TRMT1: variants seen among roughly 807,000 people sequenced by gnomAD.
The protein encoded by TRMT1 is tRNA (guanine(26)-N(2))-dimethyltransferase.
In TRMT1, 63 loss-of-function variants were observed where a neutral mutation model predicts 75.4. That is an observed-to-expected ratio of 0.84 (90% CI 0.68 to 1.03). The LOEUF (loss-of-function observed/expected upper bound fraction) is 1.03, where lower values mean the gene tolerates loss of function less well. Ranked by LOEUF, TRMT1 falls within the 50% of genes least tolerant of loss-of-function variation. The pLI is 0.00. For missense variants in TRMT1, 870 were observed against 905.3 expected, an observed-to-expected ratio of 0.96 and a Z score of 0.50; for synonymous variants, 382 against 358.1, an observed-to-expected ratio of 1.07 and a Z score of -0.75.
chr19:13,106,599 C>T (rs1260991209), intron 14 of TRMT1, among the ~76,000 whole-genome samples: 1 of 151,736 alleles, frequency 6.6e-6, no homozygotes, highest in African/African-American at 2.4e-5. Flanking sequence ...CCTCAGCCTC[C>T]CGAGTAGCTG....
intron 7 of TRMT1, 73 bp downstream of exon 7, chr19:13,112,632 A>G: frequency 7.0e-7 from 1 of 1,431,810 alleles, no homozygotes. Context: ...GGAGGGGGAA[A>G]GTGTATTGGG....
At chr19:13,109,126 G>T (rs2019015624) in intron 12 of TRMT1, among the ~76,000 whole-genome samples, 2 of 151,136 alleles carry the variant, frequency 1.3e-5, no homozygotes, top group Admixed American at 1.3e-4. Flanking sequence ...ACGTATGTAT[G>T]TGTGTGTATA....
At chr19:13,106,124 G>A (rs942957564) in intron 14 of TRMT1, among the ~76,000 whole-genome samples, 6 of 151,994 alleles carry the variant, frequency 3.9e-5, no homozygotes, top group African/African-American at 1.2e-4. Flanking sequence ...GCAGTGGTGC[G>A]ATCGCCATCA....
intron 3 of TRMT1, 102 bp downstream of exon 3, chr19:13,115,895 C>A (rs752262168): frequency 3.7e-6 from 6 of 1,608,070 alleles, no homozygotes; most frequent in Admixed American, 1.7e-5. Context: ...CCAGGGCCTG[C>A]TATGTGGCTG....
At chr19:13,112,214 C>T (rs960866808) in intron 7 of TRMT1, among the ~76,000 whole-genome samples, 1 of 151,820 alleles carries the variant, frequency 6.6e-6, no homozygotes, top group African/African-American at 2.4e-5. Context: ...GTCTCAAAGT[C>T]CTGACCTCAG....
At chr19:13,112,663 T>C in intron 7 of TRMT1, 42 bp downstream of exon 7, 1 of 1,581,628 alleles carries the variant, frequency 6.3e-7, no homozygotes. Flanking sequence ...GACAACCACC[T>C]GTCCCCCGGT....
At chr19:13,107,483 C>A in intron 14 of TRMT1, 91 bp downstream of exon 14, 1 of 1,422,818 alleles carries the variant, frequency 7.0e-7, no homozygotes, top group Non-Finnish European at 9.7e-7. Context: ...GGGCACGAGT[C>A]TGTGTGGGGC....
chr19:13,108,066 C>T (rs968827125), intron 12 of TRMT1, among the ~76,000 whole-genome samples: 3 of 148,842 alleles, frequency 2.0e-5, no homozygotes, highest in African/African-American at 7.5e-5. Flanking sequence ...TCTTGGCTCA[C>T]CACAGCCTCC....
intron 14 of TRMT1, among the ~76,000 whole-genome samples, chr19:13,105,922 C>T (rs2018847298): frequency 6.6e-6 from 1 of 152,006 alleles, no homozygotes; most frequent in East Asian, 1.9e-4. Context: ...ATTAGCCAGG[C>T]GTGGTGCCGG....
intron 12 of TRMT1, among the ~76,000 whole-genome samples, chr19:13,109,148 G>A (rs951683481): frequency 4.0e-5 from 6 of 151,080 alleles, no homozygotes; most frequent in Admixed American, 2.0e-4. Context: ...GTATGTGTGT[G>A]TACATATATA....
In TRMT1 at chr19:13,107,618, T is replaced by C. The variant is rs1031385391; in HGVS notation, c.1539A>G (p.Leu513=). 2 of 1,608,982 alleles carry C rather than the reference T, an allele frequency of 1.2e-6. No homozygotes were observed. Among genetic ancestry groups the C allele is most frequent in the African/African-American group, 1.3e-5 (1 of 74,968 alleles). The part of the protein sequence containing the change: ...EKECPVKRER[L]SETSPAFRIL... ...TGCGGAACGCTGGGCTAGTCTCTGATAGTCGCTCCCGTTTCACCGGACATT... is the reference window on the plus strand; with the variant it reads ...TGCGGAACGCTGGGCTAGTCTCTGACAGTCGCTCCCGTTTCACCGGACATT... Residue 513 remains leucine (L), a synonymous_variant, in exon 14 of 17, where the codon CTA becomes CTG. Transcript: ENST00000357720.
chr19:13,107,924 A>G, intron 12 of TRMT1, 65 bp from the exon 13 acceptor site: 1 of 1,343,632 alleles, frequency 7.4e-7, no homozygotes. Flanking sequence ...CAAGCTGACC[A>G]GCGTAGGTAA....
In TRMT1 at chr19:13,109,800, G is replaced by A; in HGVS notation, c.1145C>T (p.Pro382Leu). 1 of 1,614,112 alleles carries A rather than the reference G, an allele frequency of 6.2e-7. No individual in the cohort carries two copies. Among genetic ancestry groups the A allele is most frequent in the Non-Finnish European group, 8.5e-7 (1 of 1,180,034 alleles). The change falls in exon 10 of 17, where the codon CCC becomes CTC. Residue 382 changes from proline to leucine, a missense_variant. Coordinates refer to ENST00000357720, the MANE Select transcript of TRMT1 (RefSeq NM_001136035.4). ...TCGTTGCCCACAGTGTTCACACTCG[G>A]GGGTCACAGGGGGACCACAGGCTGC... ...FSAACGPPVT[P>L]ECEHCGQRHQ...
chr19:13,105,860 G>A (rs1372113058), intron 14 of TRMT1, among the ~76,000 whole-genome samples: 4 of 151,986 alleles, frequency 2.6e-5, no homozygotes, highest in Non-Finnish European at 4.4e-5. Flanking sequence ...TCAGGAGTTC[G>A]AGACCAGCCT....
intron 5 of TRMT1, among the ~76,000 whole-genome samples, chr19:13,114,523 T>C: frequency 6.6e-6 from 1 of 152,160 alleles, no homozygotes; most frequent in East Asian, 1.9e-4. Flanking sequence ...GTGGGTGTGG[T>C]AGCAGATGTC....
At chr19:13,109,709 A>T (rs1304775006) in intron 10 of TRMT1, 25 bp from the exon 11 acceptor site, 2 of 1,613,808 alleles carry the variant, frequency 1.2e-6, no homozygotes, top group African/African-American at 2.7e-5. Flanking sequence ...GGGACAGGTG[A>T]GCAGGGACTA....
In TRMT1 at chr19:13,115,622, C is replaced by G; in HGVS notation, c.453+4G>C. On this transcript the variant is annotated splice_donor_region_variant and intron_variant, in intron 4 of 16. Transcript: ENST00000357720. ...GGCTGCCAGCTCCTATGCTCAGGCC[C>G]CACCTCACAGATCTCCCCCACGGCC... is the stretch of plus-strand genomic sequence containing the variant. 6.2e-7 allele frequency: 1 copy of G among 1,613,932 alleles called. No individual in the cohort carries two copies. Among genetic ancestry groups the G allele is most frequent in the South Asian group, 1.1e-5 (1 of 91,080 alleles).
chr19:13,105,256 A>C lies in TRMT1; in HGVS notation c.1833+11T>G. The stretch of plus-strand genomic sequence containing the variant: ...TGTCCTGCAGTGGAGGAAAGGGAGG[A>C]GGGACCTCACCTCCTTAAACCTCTT... On this transcript the variant is annotated intron_variant, in intron 16 of 16. Coordinates refer to ENST00000357720, the MANE Select transcript of TRMT1 (RefSeq NM_001136035.4). 1.2e-6 allele frequency: 2 copies of C among 1,610,388 alleles called. No homozygotes were observed. Among genetic ancestry groups the C allele is most frequent in the Non-Finnish European group, 1.7e-6 (2 of 1,177,908 alleles).
intron 8 of TRMT1, 35 bp from the exon 9 acceptor site, chr19:13,110,036 G>T (rs544534581): frequency 6.2e-7 from 1 of 1,612,454 alleles, no homozygotes; most frequent in Non-Finnish European, 8.5e-7. Context: ...AGTTCCCAGC[G>T]TGACCACGAC....
Sources: gnomAD v4.1 joint callset for allele counts (sites outside exome capture counted in the v4.1 genomes callset) on GRCh38, gnomAD v4.1.1 for gene constraint, MANE v1.5 for transcripts, NCBI Gene and HGNC (gene_info 2026-07-23, HGNC 2026-07-21) for gene names.